Variants in DLG5 observed in about 807,000 individuals in gnomAD.
DLG5 encodes the protein discs large MAGUK scaffold protein 5.
DLG5 carries 48 observed loss-of-function variants against 189.8 expected under a neutral mutation model. That is an observed-to-expected ratio of 0.25 (90% CI 0.20 to 0.32). The LOEUF (loss-of-function observed/expected upper bound fraction) is 0.32. Among genes scored for constraint, DLG5 ranks in the 10% least tolerant of loss-of-function variants. The probability of loss-of-function intolerance (pLI) is 1.00; values close to 1 mark genes in which losing one functional copy is unlikely to be tolerated. For missense variants in DLG5, 2,160 were observed against 2,544.7 expected, an observed-to-expected ratio of 0.85 and a Z score of 3.25; for synonymous variants, 1,016 against 1,054.1, an observed-to-expected ratio of 0.96 and a Z score of 0.70.
chr10:77,848,171 G>A (rs917181255), intron 5 of DLG5, among the ~76,000 whole-genome samples: 5 of 152,264 alleles, frequency 3.3e-5, no homozygotes, highest in South Asian at 4.1e-4. Context: ...GTTCCCTGCA[G>A]GGAGGCCAGG....
At chr10:77,842,293 T>A in intron 6 of DLG5, 100 bp from the exon 7 acceptor site, 1 of 1,407,246 alleles carries the variant, frequency 7.1e-7, no homozygotes, top group Non-Finnish European at 9.6e-7. Context: ...TGCTGGACAG[T>A]CAAGCGTGAA....
At chr10:77,809,417 C>T (rs573858887) in intron 24 of DLG5, 130 bp downstream of exon 24, 2 of 1,071,422 alleles carry the variant, frequency 1.9e-6, no homozygotes, top group East Asian at 2.5e-5. Context: ...ACAACAACAA[C>T]AAAAGTCAGC....
rs373424156 is a variant in DLG5, at chr10:77,829,400, C to T, written c.2140G>A (p.Gly714Arg). The T allele has an allele frequency of 2.5e-6, 4 of 1,614,252 alleles. No homozygotes were observed. In the South Asian group the frequency reaches 3.3e-5, roughly 13 times the overall value. The change falls in exon 12 of 32, where the codon GGG becomes AGG. Residue 714 changes from glycine (G) to arginine (R), a missense_variant. Physicochemically the swap from Gly to Arg is moderately radical, Grantham distance 125. This residue lies in a region of DLG5 where 107 missense variants were observed against 214.5 expected (regional missense o/e 0.50). Transcript: ENST00000372391. The stretch of plus-strand genomic sequence containing the variant: ...ATGTGCAGCGGCGTGACCACCTTCC[C>T]ACCCAGGGACTTCCTCCGCCGCACG... The part of the protein sequence containing the change: ...MVVRRRKSLG[G>R]KVVTPLHINL...
intron 24 of DLG5, 111 bp downstream of exon 24, chr10:77,809,436 G>T: frequency 8.1e-7 from 1 of 1,240,288 alleles, no homozygotes. Context: ...GCCCTGACTG[G>T]CTCACCAGAT....
At chr10:77,910,047 A>C (rs1846174144) in intron 1 of DLG5, among the ~76,000 whole-genome samples, 1 of 152,158 alleles carries the variant, frequency 6.6e-6, no homozygotes. Flanking sequence ...CCCTGCCAGC[A>C]TCAGACCCAT....
chr10:77,868,588 A>G, intron 2 of DLG5: 1 of 233,398 alleles, frequency 4.3e-6, no homozygotes, highest in Non-Finnish European at 8.5e-6. Flanking sequence ...TGGTCAGATC[A>G]GGCCATGAGA....
At chr10:77,799,341 C>T (rs1473861289) in intron 27 of DLG5, among the ~76,000 whole-genome samples, 1 of 152,126 alleles carries the variant, frequency 6.6e-6, no homozygotes, top group Non-Finnish European at 1.5e-5. Flanking sequence ...CCTTTGGAGA[C>T]GGAGTCTTCA....
intron 30 of DLG5, 77 bp from the exon 31 acceptor site, chr10:77,794,194 A>T: frequency 7.2e-7 from 1 of 1,385,046 alleles, no homozygotes; most frequent in Non-Finnish European, 1.0e-6. Flanking sequence ...CCAGGCTAAC[A>T]GGGGCCCCAT....
At chr10:77,835,974 C>A in intron 7 of DLG5, 52 bp from the exon 8 acceptor site, 1 of 1,568,286 alleles carries the variant, frequency 6.4e-7, no homozygotes, top group Non-Finnish European at 8.7e-7. Context: ...CCTCATGGAC[C>A]AGGAGCGCCT....
intron 3 of DLG5, among the ~76,000 whole-genome samples, chr10:77,854,622 C>T (rs1225678461): frequency 6.6e-6 from 1 of 152,202 alleles, no homozygotes; most frequent in South Asian, 2.1e-4. Context: ...AAGGTGCCAA[C>T]TTGTTCTGCA....
At position 77,824,331 on chromosome 10, in the gene DLG5, G is replaced by A. The variant is rs142575212; in HGVS notation, c.2382+53C>T. 203 of 1,367,158 alleles carry A rather than the reference G, an allele frequency of 1.5e-4. 1 individual carries two copies. Among genetic ancestry groups the A allele is most frequent in the Middle Eastern group, 8.7e-4 (4 of 4,620 alleles). The allele number at this position is 1,367,158 out of a possible 1,614,324, so 84.7% of individuals were successfully genotyped here. A position where few individuals can be genotyped will look rare whatever the true frequency, so the allele number is the denominator to read the frequency against. ...AGGAGTAGCATGGCTATGTGGAGCC[G>A]GGGCTCTGCCCATACTCCTGACCGT... On this transcript the variant is annotated intron_variant, in intron 14 of 31. Coordinates refer to ENST00000372391, the MANE Select transcript of DLG5 (RefSeq NM_004747.4).
At chr10:77,887,290 T>C (rs1845468151) in intron 1 of DLG5, among the ~76,000 whole-genome samples, 1 of 152,194 alleles carries the variant, frequency 6.6e-6, no homozygotes, top group African/African-American at 2.4e-5. Context: ...TAACTGCTCC[T>C]GAGCTGCCTG....
At chr10:77,832,115 C>G (rs1564526676) in intron 9 of DLG5, among the ~76,000 whole-genome samples, 3 of 151,958 alleles carry the variant, frequency 2.0e-5, no homozygotes, top group Admixed American at 2.0e-4. Flanking sequence ...GGCTGAGGTA[C>G]AAGAATCACC....
intron 1 of DLG5, among the ~76,000 whole-genome samples, chr10:77,911,465 G>A (rs1048847358): frequency 1.3e-5 from 2 of 152,186 alleles, no homozygotes; most frequent in African/African-American, 4.8e-5. Context: ...TATGTAAATA[G>A]AATTAGATTT....
chr10:77,806,083 G>A, intron 26 of DLG5: 1 of 493,168 alleles, frequency 2.0e-6, no homozygotes, highest in Non-Finnish European at 3.6e-6. Flanking sequence ...CTCAGAGCAG[G>A]CGATTTTTTC....
chr10:77,812,477 G>C, intron 20 of DLG5, 100 bp from the exon 21 acceptor site: 1 of 1,392,476 alleles, frequency 7.2e-7, no homozygotes, highest in East Asian at 2.4e-5. Context: ...AGTGCAGAAA[G>C]GGCCCCGAGC....
intron 1 of DLG5, among the ~76,000 whole-genome samples, chr10:77,922,700 C>T (rs1846571351): frequency 6.6e-6 from 1 of 152,168 alleles, no homozygotes; most frequent in African/African-American, 2.4e-5. Flanking sequence ...GATCATAAGA[C>T]ACCACTCATC....
intron 1 of DLG5, among the ~76,000 whole-genome samples, chr10:77,871,838 T>C (rs1171486628): frequency 6.6e-6 from 1 of 152,138 alleles, no homozygotes; most frequent in Non-Finnish European, 1.5e-5. Context: ...CCACCATGTC[T>C]GGCCTGCATC....
chr10:77,816,850 C>T (rs1842079527), intron 19 of DLG5, 149 bp from the exon 20 acceptor site: 1 of 1,378,840 alleles, frequency 7.3e-7, no homozygotes, highest in Admixed American at 2.0e-5. Flanking sequence ...TGCATTGCCC[C>T]CTACCCCCCA....
Sources: allele counts gnomAD v4.1 joint callset (sites outside exome capture counted in the v4.1 genomes callset), GRCh38; gene constraint gnomAD v4.1.1; regional missense constraint gnomAD v4.1.1; transcripts MANE v1.5; gene names NCBI Gene and HGNC (gene_info 2026-07-23, HGNC 2026-07-21).